The following VIRMA variants were observed in gnomAD, a reference collection of about 807,000 sequenced individuals.
VIRMA encodes the protein vir like m6A methyltransferase associated, also known as protein virilizer homolog.
VIRMA carries 65 observed loss-of-function variants against 182.4 expected under a neutral mutation model. The ratio of observed to expected loss-of-function variants is 0.36; its 90% CI spans 0.29 to 0.44. VIRMA has a LOEUF of 0.44. Ranked by LOEUF, VIRMA falls within the 20% of genes least tolerant of loss-of-function variation. The pLI is 1.00. For missense variants in VIRMA, 1,752 were observed against 2,158.1 expected (o/e 0.81, Z 3.73); for synonymous variants, 709 against 743.1 (o/e 0.95, Z 0.75).
chr8:94,491,972 T>C, intron 21 of VIRMA, 63 bp from the exon 22 acceptor site: 3 of 1,274,388 alleles, frequency 2.4e-6, no homozygotes, highest in Middle Eastern at 2.0e-4. Context: ...AAATAATCTT[T>C]ATAATACCCA....
intron 1 of VIRMA, 134 bp downstream of exon 1, chr8:94,553,251 G>A (rs1189406662): frequency 5.8e-6 from 5 of 859,350 alleles, no homozygotes; most frequent in Non-Finnish European, 7.8e-6. Context: ...CACACAGCTC[G>A]GGGGAGGGTG....
intron 2 of VIRMA, among the ~76,000 whole-genome samples, chr8:94,542,099 T>G (rs1051170575): frequency 6.6e-6 from 1 of 152,204 alleles, no homozygotes; most frequent in Non-Finnish European, 1.5e-5. Context: ...CAATGACACT[T>G]GCTTCCTGGT....
At chr8:94,498,211 C>A (rs1299008457) in intron 17 of VIRMA, 1 of 152,118 alleles carries the variant, frequency 6.6e-6, no homozygotes, top group Non-Finnish European at 1.5e-5. Flanking sequence ...GAATTGTGCT[C>A]ATAATATACC....
At chr8:94,505,009 CTA>C (rs1284757014) in intron 16 of VIRMA, among the ~76,000 whole-genome samples, 4 of 152,132 alleles carry the variant, frequency 2.6e-5, no homozygotes, top group Non-Finnish European at 5.9e-5. Flanking sequence ...CCTAACCCAA[CTA>C]GGAAAGCTTT....
chr8:94,544,981 T>C (rs879599621), intron 1 of VIRMA, among the ~76,000 whole-genome samples: 1 of 151,040 alleles, frequency 6.6e-6, no homozygotes, highest in Non-Finnish European at 1.5e-5. Context: ...GAAAAAAAAA[T>C]AGAAGCAGAG....
chr8:94,499,882 T>TA lies in VIRMA; in HGVS notation c.4098-377dup, dbSNP rs957881216. ...CAACATAGGGTAACCCGGTCTCTAC[T>TA]AAAAAAAAATACAAAAATTAACGGG... On this transcript the variant is annotated intron_variant, in intron 16 of 23. Coordinates refer to ENST00000297591, the MANE Select transcript of VIRMA (RefSeq NM_015496.5). Among the ~76,000 whole-genome samples the TA allele has an allele frequency of 1.4e-4, 21 of 148,722 alleles. No homozygotes were observed. In the East Asian group the frequency reaches 1.8e-3, roughly 13 times the overall value.
At chr8:94,547,048 A>G (rs1404906371) in intron 1 of VIRMA, 1 of 455,104 alleles carries the variant, frequency 2.2e-6, no homozygotes, top group African/African-American at 2.1e-5. Flanking sequence ...TTGAAAGCTG[A>G]GCCAGATCAA....
At position 94,527,377 on chromosome 8, in the gene VIRMA, T is replaced by A. The variant is rs891322300; in HGVS notation, c.881-14A>T. ...AACCATCATCCCCTGAAAATTAGTA[T>A]GAATAATATTTAAGTATTACATCAT... On this transcript the variant is annotated splice_polypyrimidine_tract_variant and intron_variant, in intron 7 of 23. Transcript: ENST00000297591. 1.1e-5 allele frequency: 16 copies of A among 1,469,176 alleles called. No homozygotes were observed. The highest frequency in any genetic ancestry group is 1.4e-5 in the African/African-American group (1 of 71,086). The allele number at this position is 1,469,176 out of a possible 1,614,324, so 91.0% of individuals were successfully genotyped here. A position where few individuals can be genotyped will look rare whatever the true frequency, so the allele number is the denominator to read the frequency against.
chr8:94,533,276 T>C (rs1586102175), intron 5 of VIRMA, among the ~76,000 whole-genome samples: 1 of 151,696 alleles, frequency 6.6e-6, no homozygotes, highest in East Asian at 1.9e-4. Flanking sequence ...ATGACCACCA[T>C]CAGAAAAAAA....
At chr8:94,531,270 G>A (rs548934424) in intron 5 of VIRMA, among the ~76,000 whole-genome samples, 185 bp from the exon 6 acceptor site, 1 of 152,144 alleles carries the variant, frequency 6.6e-6, no homozygotes, top group Non-Finnish European at 1.5e-5. Context: ...GTATATGCAG[G>A]TTCCTCGGGG....
rs777152713 is a variant in VIRMA, at chr8:94,526,762, G to T, written c.1482C>A (p.His494Gln). The change falls in exon 8 of 24, where the codon CAC (histidine) becomes CAA (glutamine). Residue 494 changes from histidine to glutamine, a missense_variant. Transcript: ENST00000297591. Reference protein sequence around the residue: ...SGLFELLFADHVSSSLKLNAF... With the variant: ...SGLFELLFADQVSSSLKLNAF... ...CATTTAACTTAAGAGAAGATGATACGTGATCAGCAAACAGAAGTTCAAATA... is the reference window on the plus strand; with the variant it reads ...CATTTAACTTAAGAGAAGATGATACTTGATCAGCAAACAGAAGTTCAAATA... 6.2e-7 allele frequency: 1 copy of T among 1,613,900 alleles called. No individual in the cohort carries two copies. The highest frequency in any genetic ancestry group is 1.1e-5 in the South Asian group (1 of 91,080).
At chr8:94,552,773 A>T (rs1264651285) in intron 1 of VIRMA, among the ~76,000 whole-genome samples, 1 of 152,182 alleles carries the variant, frequency 6.6e-6, no homozygotes, top group Non-Finnish European at 1.5e-5. Context: ...GATGAGTTTA[A>T]CTATAATTCT....
At chr8:94,518,074 G>A (rs1036692219) in intron 9 of VIRMA, 132 bp from the exon 10 acceptor site, 1 of 602,312 alleles carries the variant, frequency 1.7e-6, no homozygotes, top group Non-Finnish European at 2.8e-6. Flanking sequence ...ACTGTCTGAA[G>A]ACAAGAAATC....
At chr8:94,527,797 C>T (rs555483012) in intron 7 of VIRMA, among the ~76,000 whole-genome samples, 164 of 152,300 alleles carry the variant, frequency 1.1e-3, no homozygotes, top group Admixed American at 3.1e-3. Context: ...GAACTAATAT[C>T]ATCAGGTTAA....
At chr8:94,496,075 A>C (rs1488864792) in intron 18 of VIRMA, 184 bp from the exon 19 acceptor site, 1 of 637,308 alleles carries the variant, frequency 1.6e-6, no homozygotes, top group Non-Finnish European at 2.6e-6. Context: ...TTTTATTTCT[A>C]AACAATAGCA....
rs1586073793 is a variant in VIRMA, at chr8:94,506,426, A to G, written c.4097+74T>C. On this transcript the variant is annotated intron_variant, in intron 16 of 23. Transcript: ENST00000297591. ...CAACTTTCTACAATAGGTATGAATT[A>G]ATGTGGGGTGAAGGAGCAGTGACAG... 1.5e-5 allele frequency: 14 copies of G among 915,240 alleles called. No homozygotes were observed. The East Asian group carries it at 3.5e-4, about 23-fold the overall frequency. 56.7% of individuals were successfully genotyped at this position (915,240 alleles called of 1,614,324 possible).
intron 2 of VIRMA, among the ~76,000 whole-genome samples, chr8:94,539,308 T>A (rs1460867656): frequency 6.6e-6 from 1 of 152,330 alleles, no homozygotes; most frequent in African/African-American, 2.4e-5. Flanking sequence ...ATCACAGCCC[T>A]AAGTTGTGAC....
chr8:94,506,753 A>G (rs201039403), intron 15 of VIRMA, 36 bp from the exon 16 acceptor site: 1 of 1,328,142 alleles, frequency 7.5e-7, no homozygotes, highest in African/African-American at 1.5e-5. Flanking sequence ...CGATTTTTTA[A>G]ATAATTATCA....
chr8:94,499,202 T>C, intron 17 of VIRMA, 172 bp downstream of exon 17: 1 of 423,336 alleles, frequency 2.4e-6, no homozygotes, highest in Non-Finnish European at 4.2e-6. Context: ...GGTCTCACTA[T>C]TTTGCCCAGG....
Sources: allele counts gnomAD v4.1 joint callset (sites outside exome capture counted in the v4.1 genomes callset), GRCh38; gene constraint gnomAD v4.1.1; transcripts MANE v1.5; gene names NCBI Gene and HGNC (gene_info 2026-07-23, HGNC 2026-07-21).